The following SLC26A9 variants were observed in gnomAD, a reference collection of about 807,000 sequenced individuals.
SLC26A9 encodes the protein solute carrier family 26 member 9.
Under a neutral mutation model 87.1 loss-of-function variants are expected in SLC26A9, and 46 were observed. That is an observed-to-expected ratio of 0.53 (90% CI 0.42 to 0.67). The LOEUF (loss-of-function observed/expected upper bound fraction) is 0.67. Among genes scored for constraint, SLC26A9 ranks in the 30% least tolerant of loss-of-function variants. The pLI is 0.00. For synonymous variants in SLC26A9, 437 were observed against 409.1 expected, an observed-to-expected ratio of 1.07 and a Z score of -0.82; for missense variants, 927 against 1,018.3, an observed-to-expected ratio of 0.91 and a Z score of 1.22.
chr1:205,923,020 AG>A, intron 16 of SLC26A9, 61 bp downstream of exon 16: 1 of 1,489,496 alleles, frequency 6.7e-7, no homozygotes, highest in Non-Finnish European at 9.4e-7. Context: ...CATGAGTAAC[AG>A]GGGGCAGTAT....
intron 19 of SLC26A9, 136 bp from the exon 20 acceptor site, chr1:205,917,490 C>G (rs1173095820): frequency 5.1e-6 from 4 of 785,826 alleles, no homozygotes; most frequent in South Asian, 1.6e-5. Context: ...CCTCTTGCCC[C>G]TTCCCTTACC....
intron 19 of SLC26A9, among the ~76,000 whole-genome samples, chr1:205,917,654 G>A (rs1028948197): frequency 2.6e-5 from 4 of 152,078 alleles, no homozygotes; most frequent in African/African-American, 9.7e-5. Context: ...GGGAATTCCT[G>A]TCCTCCTGGG....
At chr1:205,930,610 C>G (rs1374563240) in intron 5 of SLC26A9, among the ~76,000 whole-genome samples, 2 of 152,196 alleles carry the variant, frequency 1.3e-5, no homozygotes, top group Admixed American at 6.5e-5. Context: ...CAATCAGACC[C>G]AAAGTCGCTG....
intron 12 of SLC26A9, 37 bp downstream of exon 12, chr1:205,926,498 G>T: frequency 1.3e-6 from 2 of 1,550,412 alleles, no homozygotes; most frequent in Non-Finnish European, 1.8e-6. Flanking sequence ...GAGAGGGCAG[G>T]GGCATGGCCA....
intron 17 of SLC26A9, among the ~76,000 whole-genome samples, chr1:205,921,110 T>G (rs1028489253): frequency 1.3e-5 from 2 of 152,240 alleles, no homozygotes; most frequent in Admixed American, 6.5e-5. Context: ...ATGGATACAT[T>G]CATTCAAGGT....
chr1:205,924,400 C>A lies in SLC26A9; in HGVS notation c.1479G>T (p.Val493=). 1.2e-6 allele frequency: 2 copies of A among 1,614,186 alleles called. No homozygotes were observed. The highest frequency in any genetic ancestry group is 1.7e-6 in the Non-Finnish European group (2 of 1,180,024). ...TCACTTACAACTGAGTCTGGAAGAC[C>A]ACGACCAGGACGGAGAAGGCGACAC... ...AVGVAFSVLV[V]VFQTQFRNGY... Residue 493 remains valine (V), a synonymous_variant, in exon 13 of 21, where the codon GTG becomes GTT. Coordinates refer to ENST00000367135, the MANE Select transcript of SLC26A9 (RefSeq NM_052934.4).
At position 205,929,373 on chromosome 1, in the gene SLC26A9, C is replaced by T. The variant is rs758064149; in HGVS notation, c.718-17G>A. The T allele has an allele frequency of 1.9e-5, 30 of 1,612,190 alleles. No individual in the cohort carries two copies. In the East Asian group the frequency reaches 2.5e-4, roughly 13 times the overall value. On this transcript the variant is annotated splice_polypyrimidine_tract_variant and intron_variant, in intron 6 of 20. Transcript: ENST00000367135. ...AATGAAGGTCTGGGGGAAAGAGCAT[C>T]ATGCTCACAGGCTCCCACCCCTTCT...
At chr1:205,937,330 C>T (rs1659548294) in intron 1 of SLC26A9, among the ~76,000 whole-genome samples, 1 of 152,140 alleles carries the variant, frequency 6.6e-6, no homozygotes, top group Admixed American at 6.5e-5. Context: ...TCAACACATA[C>T]TTGTTGAGCG....
chr1:205,941,056 G>A (rs1203949705), intron 1 of SLC26A9, among the ~76,000 whole-genome samples: 1 of 152,232 alleles, frequency 6.6e-6, no homozygotes, highest in Non-Finnish European at 1.5e-5. Context: ...GTGAATGTGA[G>A]CTGGGACAGA....
At chr1:205,943,090 G>A (rs1659817809) in intron 1 of SLC26A9, among the ~76,000 whole-genome samples, 1 of 152,148 alleles carries the variant, frequency 6.6e-6, no homozygotes, top group Non-Finnish European at 1.5e-5. Context: ...TCTGTTTCGG[G>A]GTCTGGCGAC....
At chr1:205,926,396 G>A (rs1558123518) in intron 12 of SLC26A9, 139 bp downstream of exon 12, 18 of 714,368 alleles carry the variant, frequency 2.5e-5, no homozygotes, top group East Asian at 7.9e-5. Flanking sequence ...TTCGAAACTC[G>A]GACTTTTAAC....
In SLC26A9 at chr1:205,914,774, A is replaced by T. The variant is rs568569866; in HGVS notation, c.*583T>A. The stretch of plus-strand genomic sequence containing the variant: ...TGGGGATGATGGAGGGGGGGCGCAT[A>T]GTTACCAAGGCCTAGACTCCTGGGT... On this transcript the variant is annotated 3_prime_UTR_variant, in exon 21 of 21. Transcript: ENST00000367135. 53 of 1,299,286 alleles carry T rather than the reference A, an allele frequency of 4.1e-5. No homozygotes were observed. The highest frequency in any genetic ancestry group is 4.9e-5 in the Non-Finnish European group (46 of 939,226). The allele number at this position is 1,299,286 out of a possible 1,614,324, so 80.5% of individuals were successfully genotyped here. A position where few individuals can be genotyped will look rare whatever the true frequency, so the allele number is the denominator to read the frequency against.
chr1:205,930,875 T>G (rs1659275214), intron 5 of SLC26A9, among the ~76,000 whole-genome samples: 1 of 152,210 alleles, frequency 6.6e-6, no homozygotes, highest in African/African-American at 2.4e-5. Context: ...GACTCTGCTC[T>G]GTGTCCCTAC....
intron 15 of SLC26A9, 28 bp downstream of exon 15, chr1:205,923,307 C>T (rs1457967684): frequency 3.7e-6 from 6 of 1,613,280 alleles, no homozygotes; most frequent in Non-Finnish European, 5.1e-6. Context: ...CTGTCCAGAG[C>T]CTCTGGTCGC....
chr1:205,928,712 G>C, intron 8 of SLC26A9, 115 bp downstream of exon 8: 3 of 941,322 alleles, frequency 3.2e-6, no homozygotes, highest in Non-Finnish European at 5.1e-6. Context: ...CATGGTCAGT[G>C]TCATACAGTT....
Position 205,914,948 on chromosome 1 carries a change from C to CT in SLC26A9, c.*408dup, listed in dbSNP as rs35639313. ...ACCGAGCCGTGTGGGCTCTGGGACA[C>CT]TTTTTGAAGCTTGTACAGCAGGCCA... On this transcript the variant is annotated 3_prime_UTR_variant, in exon 21 of 21. Coordinates refer to ENST00000367135, the MANE Select transcript of SLC26A9 (RefSeq NM_052934.4). The CT allele has an allele frequency of 6.2e-7, 1 of 1,614,164 alleles. No homozygotes were observed. The highest frequency in any genetic ancestry group is 8.5e-7 in the Non-Finnish European group (1 of 1,180,026).
chr1:205,935,107 C>T (rs1018381346), intron 2 of SLC26A9: 4 of 152,178 alleles, frequency 2.6e-5, no homozygotes, highest in Non-Finnish European at 4.4e-5. Context: ...TTGTGTAGCG[C>T]CTACTTAGGG....
intron 20 of SLC26A9, among the ~76,000 whole-genome samples, chr1:205,916,478 C>T (rs992062984): frequency 9.9e-5 from 15 of 152,216 alleles, no homozygotes; most frequent in Admixed American, 2.0e-4. Context: ...TCTACCATAA[C>T]GTAAGTTTCT....
Position 205,924,466 on chromosome 1 carries a change from G to A in SLC26A9, c.1413C>T (p.Leu471=). 6.2e-7 allele frequency: 1 copy of A among 1,614,178 alleles called. No individual in the cohort carries two copies. The highest frequency in any genetic ancestry group is 8.5e-7 in the Non-Finnish European group (1 of 1,180,032). ...AGGGCAGGCTGAGGAAGAAGGAGGAGAGGAAGCTCACTACCCAGATGCACT... is the reference window on the plus strand; with the variant it reads ...AGGGCAGGCTGAGGAAGAAGGAGGAAAGGAAGCTCACTACCCAGATGCACT... ...LDCCIWVVSF[L]SSFFLSLPYG... The change falls in exon 13 of 21, where the codon CTC becomes CTT. Residue 471 remains leucine, a synonymous_variant. Coordinates refer to ENST00000367135, the MANE Select transcript of SLC26A9 (RefSeq NM_052934.4).
Sources: gnomAD v4.1 joint callset for allele counts (sites outside exome capture counted in the v4.1 genomes callset) on GRCh38, gnomAD v4.1.1 for gene constraint, MANE v1.5 for transcripts, NCBI Gene and HGNC (gene_info 2026-07-23, HGNC 2026-07-21) for gene names.